DOCK8: variants seen among roughly 807,000 people sequenced by gnomAD.
DOCK8 encodes dedicator of cytokinesis 8.
DOCK8 carries 141 observed loss-of-function variants against 245.6 expected under a neutral mutation model. The ratio of observed to expected loss-of-function variants is 0.57; its 90% CI spans 0.50 to 0.66. DOCK8 has a LOEUF of 0.66. Among genes scored for constraint, DOCK8 ranks in the 30% least tolerant of loss-of-function variants. The pLI is 0.00. For synonymous variants in DOCK8, 1,168 were observed against 970.2 expected, an observed-to-expected ratio of 1.20 and a Z score of -3.79; for missense variants, 2,965 against 2,603.4, an observed-to-expected ratio of 1.14 and a Z score of -3.02.
intron 9 of DOCK8, among the ~76,000 whole-genome samples, chr9:330,677 A>G (rs1484253926): frequency 6.6e-6 from 1 of 152,204 alleles, no homozygotes; most frequent in Non-Finnish European, 1.5e-5. Flanking sequence ...TAGGTATGCC[A>G]AGTGTTAATC....
chr9:430,788 T>G (rs927735741), intron 36 of DOCK8, among the ~76,000 whole-genome samples: 3 of 152,214 alleles, frequency 2.0e-5, no homozygotes, highest in Admixed American at 6.5e-5. Context: ...GTTTCTAAAT[T>G]CTGACTAGCT....
chr9:460,058 C>T (rs796664337), intron 46 of DOCK8: 11 of 152,324 alleles, frequency 7.2e-5, no homozygotes, highest in African/African-American at 2.6e-4. Context: ...CTGCTACACT[C>T]CAGAAGCATC....
chr9:212,143 A>G (rs965339800), upstream of DOCK8, among the ~76,000 whole-genome samples: 2 of 152,116 alleles, frequency 1.3e-5, no homozygotes, highest in Admixed American at 1.3e-4. Context: ...GTTATTATTT[A>G]ATGGTTGCTA....
intron 28 of DOCK8, among the ~76,000 whole-genome samples, chr9:408,339 G>A (rs181489696): frequency 1.3e-5 from 2 of 152,320 alleles, no homozygotes; most frequent in East Asian, 3.9e-4. Context: ...GCGTCTCCTG[G>A]CAGGATAGTG....
chr9:411,374 A>C (rs1274768844), intron 28 of DOCK8, among the ~76,000 whole-genome samples: 2 of 151,950 alleles, frequency 1.3e-5, no homozygotes, highest in African/African-American at 4.8e-5. Flanking sequence ...GATCATGCCA[A>C]TGCACTCCAG....
At chr9:447,851 C>T (rs1000064110) in intron 44 of DOCK8, among the ~76,000 whole-genome samples, 3 of 152,152 alleles carry the variant, frequency 2.0e-5, no homozygotes, top group African/African-American at 7.2e-5. Context: ...GTGGCTTTCA[C>T]AGAAGCTGAA....
chr9:374,415 G>T (rs2053430293), intron 18 of DOCK8, among the ~76,000 whole-genome samples: 1 of 144,090 alleles, frequency 6.9e-6, no homozygotes. Flanking sequence ...AGGCTGTATT[G>T]AGTTAAATGA....
chr9:393,345 G>C (rs1750959661), intron 24 of DOCK8, among the ~76,000 whole-genome samples: 1 of 152,028 alleles, frequency 6.6e-6, no homozygotes, highest in South Asian at 2.1e-4. Context: ...ACCAATGGGA[G>C]AAAGAATAAT....
At chr9:214,739 C>T (rs988474323), upstream of DOCK8, 2 of 1,520,618 alleles carry the variant, frequency 1.3e-6, no homozygotes, top group Admixed American at 2.1e-5. Flanking sequence ...CCACGCCCTC[C>T]TCGCCCGCCG....
At chr9:238,452 T>G (rs898833042) in intron 1 of DOCK8, among the ~76,000 whole-genome samples, 7 of 152,130 alleles carry the variant, frequency 4.6e-5, no homozygotes, top group Non-Finnish European at 4.4e-5. Flanking sequence ...AAATAAAAAG[T>G]TAACATGGAC....
intron 7 of DOCK8, among the ~76,000 whole-genome samples, chr9:319,898 T>A (rs903998391): frequency 2.0e-5 from 3 of 152,250 alleles, no homozygotes; most frequent in African/African-American, 7.2e-5. Flanking sequence ...TTAGGAGTCT[T>A]CTTGATGGTG....
chr9:370,384 C>A (rs1185553545), intron 16 of DOCK8, 84 bp downstream of exon 16: 3 of 1,233,328 alleles, frequency 2.4e-6, no homozygotes, highest in Non-Finnish European at 3.6e-6. Context: ...GTGGTTCCTC[C>A]TAACTATTTT....
At chr9:400,908 A>AC (rs2055000162) in intron 26 of DOCK8, among the ~76,000 whole-genome samples, 1 of 21,314 alleles carries the variant, frequency 4.7e-5, no homozygotes. Flanking sequence ...CCCACTACCA[A>AC]CAGCTCCTTC....
chr9:336,705 G>C lies in DOCK8; in HGVS notation c.1409G>C (p.Ser470Thr), dbSNP rs2051328267. The change falls in exon 12 of 48, where the codon AGC becomes ACC. Residue 470 changes from serine (S) to threonine (T), a missense_variant. Ser to Thr is a moderately conservative substitution (Grantham distance 58, BLOSUM62 1). Transcript: ENST00000432829. ...NFKTSTLSVS[S>T]FFKQEGDRLS... Reference sequence around the variant, plus strand: ...AAAACCTCCACTCTGAGCGTTAGCAGCTTTTTCAAGCAGGTATCTCTTCAC... The same window carrying C: ...AAAACCTCCACTCTGAGCGTTAGCACCTTTTTCAAGCAGGTATCTCTTCAC... The C allele has an allele frequency of 1.2e-6, 2 of 1,613,994 alleles. No homozygotes were observed. The highest frequency in any genetic ancestry group is 1.7e-6 in the Non-Finnish European group (2 of 1,179,938).
chr9:303,297 A>G (rs762736487), intron 4 of DOCK8, among the ~76,000 whole-genome samples: 36 of 152,254 alleles, frequency 2.4e-4, no homozygotes, highest in Non-Finnish European at 4.3e-4. Context: ...CTATACCCAA[A>G]GGAAAATAAA....
intron 1 of DOCK8, among the ~76,000 whole-genome samples, chr9:246,155 C>T (rs780491959): frequency 1.1e-3 from 163 of 151,968 alleles, no homozygotes; most frequent in African/African-American, 2.8e-3. Flanking sequence ...GGAGATGGAG[C>T]TTGCAGTGAC....
intron 1 of DOCK8, among the ~76,000 whole-genome samples, chr9:219,853 C>T (rs78168802): frequency 0.041 from 6,307 of 152,010 alleles, 209 homozygotes; most frequent in African/African-American, 0.085. Context: ...GCAGTGATTG[C>T]GCCACTGCAC....
At chr9:337,969 C>T (rs1414752708) in intron 12 of DOCK8, among the ~76,000 whole-genome samples, 1 of 152,186 alleles carries the variant, frequency 6.6e-6, no homozygotes, top group Non-Finnish European at 1.5e-5. Flanking sequence ...GCCTGGCCAA[C>T]ATGGTGAACC....
intron 1 of DOCK8, among the ~76,000 whole-genome samples, chr9:216,041 A>G (rs2046743825): frequency 6.6e-6 from 1 of 152,210 alleles, no homozygotes; most frequent in African/African-American, 2.4e-5. Context: ...TGAACAAGGA[A>G]TTAAAAGCCT....
Sources: gnomAD v4.1 joint callset for allele counts (sites outside exome capture counted in the v4.1 genomes callset) on GRCh38, gnomAD v4.1.1 for gene constraint, MANE v1.5 for transcripts, NCBI Gene and HGNC (gene_info 2026-07-23, HGNC 2026-07-21) for gene names.